Variants in TTLL5 observed in about 807,000 individuals in gnomAD.
TTLL5 encodes the protein tubulin polyglutamylase TTLL5.
In TTLL5, 132 loss-of-function variants were observed where a neutral mutation model predicts 168.4. The ratio of observed to expected loss-of-function variants is 0.78; its 90% CI spans 0.68 to 0.91. TTLL5 has a LOEUF of 0.91. Ranked by LOEUF, TTLL5 falls within the 40% of genes least tolerant of loss-of-function variation. The pLI is 0.00. For missense variants in TTLL5, 1,545 were observed against 1,581.5 expected (o/e 0.98, Z 0.39); for synonymous variants, 546 against 558.6 (o/e 0.98, Z 0.32).
intron 31 of TTLL5, among the ~76,000 whole-genome samples, chr14:75,923,528 G>A (rs531683925): frequency 4.2e-4 from 64 of 152,312 alleles, no homozygotes; most frequent in African/African-American, 1.5e-3. Context: ...TTTTGAGTGA[G>A]TTTCTTCATC....
chr14:75,757,493 A>G (rs577035973), intron 18 of TTLL5, among the ~76,000 whole-genome samples: 1 of 152,332 alleles, frequency 6.6e-6, no homozygotes, highest in South Asian at 2.1e-4. Context: ...GCTCCTTTCT[A>G]TAAATGGAGC....
intron 14 of TTLL5, among the ~76,000 whole-genome samples, chr14:75,734,859 T>C (rs1450261535): frequency 6.6e-6 from 1 of 152,244 alleles, no homozygotes; most frequent in African/African-American, 2.4e-5. Flanking sequence ...TTAAAGTAAC[T>C]TGTTTTTATT....
intron 30 of TTLL5, among the ~76,000 whole-genome samples, chr14:75,890,860 CAG>C (rs2032367741): frequency 6.6e-6 from 1 of 152,178 alleles, no homozygotes; most frequent in African/African-American, 2.4e-5. Context: ...GCTGGGACTA[CAG>C]GCATGCACCA....
intron 24 of TTLL5, among the ~76,000 whole-genome samples, chr14:75,780,379 C>G (rs1195812316): frequency 6.6e-6 from 1 of 152,122 alleles, no homozygotes; most frequent in Non-Finnish European, 1.5e-5. Flanking sequence ...CTACATGTTT[C>G]TAAAACTTCT....
chr14:75,813,546 A>G (rs938501849), intron 27 of TTLL5, among the ~76,000 whole-genome samples: 2 of 151,970 alleles, frequency 1.3e-5, no homozygotes, highest in Non-Finnish European at 2.9e-5. Flanking sequence ...CCAACGATCC[A>G]CATGCTTTGG....
intron 9 of TTLL5, 179 bp from the exon 10 acceptor site, chr14:75,717,682 G>A (rs1887563755): frequency 1.7e-6 from 1 of 577,108 alleles, no homozygotes; most frequent in South Asian, 2.3e-5. Flanking sequence ...TTGCTTTAAG[G>A]ATTGAATTAA....
chr14:75,788,706 A>G (rs1270803229), intron 26 of TTLL5, among the ~76,000 whole-genome samples: 1 of 152,102 alleles, frequency 6.6e-6, no homozygotes, highest in Admixed American at 6.5e-5. Context: ...TTTTAAAAAA[A>G]CTCTTCTGGA....
chr14:75,745,591 C>T lies in TTLL5; in HGVS notation c.1487+10C>T, dbSNP rs1406825117. 7.5e-6 allele frequency: 12 copies of T among 1,608,820 alleles called. No individual in the cohort carries two copies. The highest frequency in any genetic ancestry group is 3.3e-5 in the Admixed American group (2 of 59,772). ...CATGGGAAATATATGGGTGAGGTGACTACCTTTTTTTTTTATTCTTTACCT... is the reference window on the plus strand; with the variant it reads ...CATGGGAAATATATGGGTGAGGTGATTACCTTTTTTTTTTATTCTTTACCT... On this transcript the variant is annotated intron_variant, in intron 17 of 31. Coordinates refer to ENST00000298832, the MANE Select transcript of TTLL5 (RefSeq NM_015072.5).
At chr14:75,862,907 A>G (rs2030146946) in intron 28 of TTLL5, among the ~76,000 whole-genome samples, 1 of 152,166 alleles carries the variant, frequency 6.6e-6, no homozygotes, top group Non-Finnish European at 1.5e-5. Context: ...TGATTGCACC[A>G]CTGCACTCCA....
At chr14:75,776,331 T>C (rs1891723450) in intron 22 of TTLL5, among the ~76,000 whole-genome samples, 1 of 152,224 alleles carries the variant, frequency 6.6e-6, no homozygotes, top group African/African-American at 2.4e-5. Context: ...GAAGAATTTA[T>C]TCAGTATGGA....
chr14:75,924,102 A>T, intron 31 of TTLL5, among the ~76,000 whole-genome samples: 1 of 140,120 alleles, frequency 7.1e-6, no homozygotes, highest in South Asian at 2.3e-4. Context: ...CTTTGTTTTG[A>T]GCCTATGTGT....
chr14:75,823,736 T>C (rs1346209706), intron 28 of TTLL5, among the ~76,000 whole-genome samples: 1 of 152,172 alleles, frequency 6.6e-6, no homozygotes, highest in Non-Finnish European at 1.5e-5. Context: ...TTTTTTGTGA[T>C]AGGACAAGAC....
chr14:75,854,650 T>C (rs1897042155), intron 28 of TTLL5, among the ~76,000 whole-genome samples: 1 of 152,236 alleles, frequency 6.6e-6, no homozygotes, highest in African/African-American at 2.4e-5. Flanking sequence ...AAAGTTCTAG[T>C]TGCTCTTCAT....
chr14:75,708,046 T>C (rs1350689692), intron 9 of TTLL5, among the ~76,000 whole-genome samples: 1 of 152,242 alleles, frequency 6.6e-6, no homozygotes, highest in African/African-American at 2.4e-5. Flanking sequence ...GATAATTTGC[T>C]GTTATTCTTC....
intron 3 of TTLL5, among the ~76,000 whole-genome samples, chr14:75,671,802 T>C (rs1023140707): frequency 6.6e-6 from 1 of 152,222 alleles, no homozygotes; most frequent in Non-Finnish European, 1.5e-5. Flanking sequence ...TTTGTCTGCA[T>C]GTAATATGTT....
chr14:75,673,734 T>G (rs1038717918), intron 3 of TTLL5, among the ~76,000 whole-genome samples: 1 of 152,244 alleles, frequency 6.6e-6, no homozygotes, highest in African/African-American at 2.4e-5. Context: ...ACTTTTGTCT[T>G]GTCCCTTAAT....
chr14:75,711,595 T>C (rs940836106), intron 9 of TTLL5: 6 of 152,104 alleles, frequency 3.9e-5, no homozygotes, highest in Non-Finnish European at 8.8e-5. Flanking sequence ...CTCTAGCAAC[T>C]TGGGGGGCAT....
At chr14:75,854,974 T>A (rs78576198) in intron 28 of TTLL5, among the ~76,000 whole-genome samples, 1,826 of 152,260 alleles carry the variant, frequency 0.012, 34 homozygotes, top group African/African-American at 0.042. Flanking sequence ...TTCATTTTCT[T>A]TTCCTTAGTG....
At chr14:75,928,686 T>C (rs151039132) in intron 31 of TTLL5, among the ~76,000 whole-genome samples, 5 of 152,162 alleles carry the variant, frequency 3.3e-5, no homozygotes, top group South Asian at 2.1e-4. Flanking sequence ...TATTCGAGCA[T>C]TAACCTGCCT....
Sources: gnomAD v4.1 joint callset for allele counts (sites outside exome capture counted in the v4.1 genomes callset) on GRCh38, gnomAD v4.1.1 for gene constraint, MANE v1.5 for transcripts, NCBI Gene and HGNC (gene_info 2026-07-23, HGNC 2026-07-21) for gene names.